The following ADGRB3 variants were observed in gnomAD, a reference collection of about 807,000 sequenced individuals.
ADGRB3 encodes adhesion G protein-coupled receptor B3, also known as brain-specific angiogenesis inhibitor 3.
Under a neutral mutation model 193.4 loss-of-function variants are expected in ADGRB3, and 37 were observed. The ratio of observed to expected loss-of-function variants is 0.19; its 90% CI spans 0.15 to 0.25. The LOEUF (loss-of-function observed/expected upper bound fraction) is 0.25. Ranked by LOEUF, ADGRB3 falls within the 10% of genes least tolerant of loss-of-function variation. The pLI is 1.00. For synonymous variants in ADGRB3, 690 were observed against 644.2 expected (o/e 1.07, Z -1.08); for missense variants, 1,637 against 1,852.9 (o/e 0.88, Z 2.14).
At chr6:69,011,179 T>C (rs1299201909) in intron 11 of ADGRB3, among the ~76,000 whole-genome samples, 1 of 144,096 alleles carries the variant, frequency 6.9e-6, no homozygotes, top group African/African-American at 2.7e-5. Context: ...ATATATATAT[T>C]CTATATGTGT....
At chr6:68,746,178 A>G (rs913983395) in intron 3 of ADGRB3, among the ~76,000 whole-genome samples, 8 of 151,918 alleles carry the variant, frequency 5.3e-5, no homozygotes, top group Non-Finnish European at 1.0e-4. Flanking sequence ...CCTAATATAA[A>G]TTTAAATAAT....
At chr6:68,655,696 C>T (rs374264186) in intron 3 of ADGRB3, among the ~76,000 whole-genome samples, 13 of 151,696 alleles carry the variant, frequency 8.6e-5, no homozygotes, top group African/African-American at 2.9e-4. Context: ...TTTCAAATAT[C>T]AACCACTGTT....
At chr6:68,812,104 G>A (rs1221826989) in intron 3 of ADGRB3, among the ~76,000 whole-genome samples, 9 of 152,166 alleles carry the variant, frequency 5.9e-5, no homozygotes, top group Admixed American at 6.5e-5. Context: ...AAAAGCCTAA[G>A]TTTGTGGTAT....
chr6:68,803,018 T>A (rs1053232130), intron 3 of ADGRB3, among the ~76,000 whole-genome samples: 2 of 152,202 alleles, frequency 1.3e-5, no homozygotes, highest in African/African-American at 2.4e-5. Context: ...AGCTATATGC[T>A]TTGTGTTTCT....
intron 11 of ADGRB3, among the ~76,000 whole-genome samples, chr6:69,003,337 T>C (rs1036108640): frequency 1.2e-4 from 19 of 152,180 alleles, no homozygotes; most frequent in Admixed American, 9.2e-4. Context: ...GCTTTTTTTA[T>C]TTTTTATTTT....
chr6:69,323,218 A>C (rs192983936), intron 20 of ADGRB3, among the ~76,000 whole-genome samples: 1 of 152,132 alleles, frequency 6.6e-6, no homozygotes. Flanking sequence ...TTGCTAGTGC[A>C]TACAATTTAG....
chr6:68,946,720 G>T (rs995070890), intron 6 of ADGRB3, among the ~76,000 whole-genome samples: 1 of 152,082 alleles, frequency 6.6e-6, no homozygotes, highest in Non-Finnish European at 1.5e-5. Flanking sequence ...AGGATTTGAC[G>T]GGGTGGGCTG....
rs926872408 is a variant in ADGRB3 at position 69,194,319 on chromosome 6, T to A, written c.2481-38971T>A. ...AGGGACTTCTTTTCCCCACAGGGAC[T>A]TCTACATATTGGGTAATAGTGATAC... On this transcript the variant is annotated intron_variant, in intron 17 of 31. Coordinates refer to ENST00000370598, the MANE Select transcript of ADGRB3 (RefSeq NM_001704.3). Among the ~76,000 whole-genome samples, 74 of 152,096 alleles carry A rather than the reference T, an allele frequency of 4.9e-4. 1 individual carries two copies. Among genetic ancestry groups the A allele is most frequent in the Admixed American group, 4.8e-3 (73 of 15,250 alleles).
chr6:68,825,558 G>A (rs536253305), intron 3 of ADGRB3, among the ~76,000 whole-genome samples: 9 of 152,260 alleles, frequency 5.9e-5, no homozygotes, highest in African/African-American at 1.4e-4. Flanking sequence ...GTTAGGCTTC[G>A]TGTCCCCACC....
chr6:69,019,835 A>T, intron 13 of ADGRB3, among the ~76,000 whole-genome samples: 1 of 152,010 alleles, frequency 6.6e-6, no homozygotes. Flanking sequence ...GAGACAAAAG[A>T]TGGTATCTTT....
intron 3 of ADGRB3, among the ~76,000 whole-genome samples, chr6:68,703,447 A>G (rs1266879137): frequency 6.6e-6 from 1 of 152,070 alleles, no homozygotes; most frequent in African/African-American, 2.4e-5. Flanking sequence ...TTAACTATAT[A>G]TATGTTTCTA....
At chr6:68,749,812 A>G (rs1366412910) in intron 3 of ADGRB3, among the ~76,000 whole-genome samples, 1 of 152,180 alleles carries the variant, frequency 6.6e-6, no homozygotes, top group Non-Finnish European at 1.5e-5. Context: ...TGTTAGGCAG[A>G]ATTCTTATAC....
chr6:68,749,682 C>A (rs1437278665), intron 3 of ADGRB3, among the ~76,000 whole-genome samples: 1 of 151,960 alleles, frequency 6.6e-6, no homozygotes, highest in African/African-American at 2.4e-5. Context: ...CCTATTCTAA[C>A]ATTTTCTCAG....
At chr6:69,295,214 A>G (rs1767785881) in intron 20 of ADGRB3, among the ~76,000 whole-genome samples, 1 of 152,206 alleles carries the variant, frequency 6.6e-6, no homozygotes, top group Admixed American at 6.6e-5. Flanking sequence ...TAACGAGGTA[A>G]CAAGAGAAAC....
intron 20 of ADGRB3, among the ~76,000 whole-genome samples, chr6:69,239,725 T>TA (rs147429503): frequency 0.14 from 21,284 of 152,090 alleles, 1,551 homozygotes; most frequent in Middle Eastern, 0.16. Context: ...CTTTAGATTT[T>TA]ATGCCTTTCA....
At chr6:69,198,991 A>G (rs1765357896) in intron 17 of ADGRB3, among the ~76,000 whole-genome samples, 1 of 152,132 alleles carries the variant, frequency 6.6e-6, no homozygotes, top group Admixed American at 6.6e-5. Flanking sequence ...AGAGCAACTG[A>G]GCGTGTGGCT....
chr6:69,381,189 C>T (rs1473448912), intron 30 of ADGRB3, among the ~76,000 whole-genome samples: 1 of 151,826 alleles, frequency 6.6e-6, no homozygotes, highest in African/African-American at 2.4e-5. Flanking sequence ...TTATGCAAAT[C>T]CTCTCTCTCA....
At chr6:69,336,304 T>A (rs1768845946) in intron 24 of ADGRB3, among the ~76,000 whole-genome samples, 2 of 152,136 alleles carry the variant, frequency 1.3e-5, no homozygotes. Flanking sequence ...GTTTCTCTAT[T>A]TTTCTGCAGT....
At chr6:68,979,911 G>A (rs1332485319) in intron 10 of ADGRB3, among the ~76,000 whole-genome samples, 1 of 151,190 alleles carries the variant, frequency 6.6e-6, no homozygotes, top group African/African-American at 2.4e-5. Flanking sequence ...ACACACACCT[G>A]GGGAGACAAG....
Sources: gnomAD v4.1 joint callset for allele counts (sites outside exome capture counted in the v4.1 genomes callset) on GRCh38, gnomAD v4.1.1 for gene constraint, MANE v1.5 for transcripts, NCBI Gene and HGNC (gene_info 2026-07-23, HGNC 2026-07-21) for gene names.